RGS6: variants seen among roughly 807,000 people sequenced by gnomAD.
RGS6 encodes regulator of G-protein signaling 6.
RGS6 carries 30 observed loss-of-function variants against 78.5 expected under a neutral mutation model. The ratio of observed to expected loss-of-function variants is 0.38; its 90% CI spans 0.29 to 0.52. RGS6 has a LOEUF of 0.52. Ranked by LOEUF, RGS6 falls within the 20% of genes least tolerant of loss-of-function variation. The pLI is 0.85. For synonymous variants in RGS6, 206 were observed against 206.0 expected, an observed-to-expected ratio of 1.00 and a Z score of 0.00; for missense variants, 495 against 609.7, an observed-to-expected ratio of 0.81 and a Z score of 1.98.
At chr14:72,174,811 G>A (rs956866001) in intron 2 of RGS6, among the ~76,000 whole-genome samples, 1 of 152,222 alleles carries the variant, frequency 6.6e-6, no homozygotes, top group South Asian at 2.1e-4. Context: ...TGAGGTCGCA[G>A]TGATGTCAGG....
At chr14:71,937,386 C>A (rs2089650598) in intron 1 of RGS6, among the ~76,000 whole-genome samples, 1 of 152,126 alleles carries the variant, frequency 6.6e-6, no homozygotes, top group African/African-American at 2.4e-5. Flanking sequence ...GGTGCCACTT[C>A]CACTTCCGCC....
chr14:72,491,012 T>G (rs934073430), intron 12 of RGS6, among the ~76,000 whole-genome samples: 4 of 152,158 alleles, frequency 2.6e-5, no homozygotes, highest in Admixed American at 2.6e-4. Flanking sequence ...TGCAGCTGGT[T>G]TATGGATCAC....
chr14:72,008,757 A>G (rs956793596), intron 2 of RGS6, among the ~76,000 whole-genome samples: 13 of 152,136 alleles, frequency 8.5e-5, no homozygotes, highest in Non-Finnish European at 1.6e-4. Flanking sequence ...TCTAGTTCCA[A>G]TCAAGGCTTC....
intron 2 of RGS6, among the ~76,000 whole-genome samples, chr14:72,348,417 T>C (rs1241812106): frequency 6.6e-6 from 1 of 152,246 alleles, no homozygotes. Context: ...AGGGCAGTAT[T>C]GATCATGAAA....
At chr14:72,286,581 G>T (rs2152294334) in intron 2 of RGS6, among the ~76,000 whole-genome samples, 1 of 152,062 alleles carries the variant, frequency 6.6e-6, no homozygotes, top group African/African-American at 2.4e-5. Context: ...AAAGCATGGA[G>T]CCTGTAGATC....
the RGS6 span, among the ~76,000 whole-genome samples, chr14:71,878,219 G>A: frequency 1.3e-5 from 2 of 152,234 alleles, no homozygotes; most frequent in Non-Finnish European, 2.9e-5. Flanking sequence ...GTCAGACAGG[G>A]ACGTTTAAGT....
chr14:71,900,220 G>A, the RGS6 span, among the ~76,000 whole-genome samples: 1 of 152,174 alleles, frequency 6.6e-6, no homozygotes, highest in African/African-American at 2.4e-5. Flanking sequence ...GTACCTCACT[G>A]GCTGCTCTTC....
At chr14:72,382,943 G>T (rs879535017) in intron 3 of RGS6, among the ~76,000 whole-genome samples, 5 of 151,900 alleles carry the variant, frequency 3.3e-5, no homozygotes, top group African/African-American at 7.2e-5. Flanking sequence ...ACTAACTTTT[G>T]TGGGGAAAGT....
chr14:71,905,056 G>A, the RGS6 span, among the ~76,000 whole-genome samples: 3 of 152,100 alleles, frequency 2.0e-5, no homozygotes, highest in Non-Finnish European at 4.4e-5. Context: ...GTTCTGTTAT[G>A]CACGAAAATT....
At chr14:72,381,869 T>C (rs2086217200) in intron 3 of RGS6, among the ~76,000 whole-genome samples, 1 of 151,998 alleles carries the variant, frequency 6.6e-6, no homozygotes, top group Non-Finnish European at 1.5e-5. Context: ...AATAAGAGCA[T>C]GCAAATTGGG....
intron 2 of RGS6, among the ~76,000 whole-genome samples, chr14:72,164,588 A>G (rs1244826503): frequency 6.6e-6 from 1 of 152,224 alleles, no homozygotes; most frequent in African/African-American, 2.4e-5. Flanking sequence ...TAATGAGGAA[A>G]TGAAACCTTA....
At chr14:72,166,682 G>T (rs2153672495) in intron 2 of RGS6, among the ~76,000 whole-genome samples, 1 of 152,326 alleles carries the variant, frequency 6.6e-6, no homozygotes, top group East Asian at 1.9e-4. Flanking sequence ...TAATTGGAAG[G>T]AGTGGTTCCA....
chr14:72,020,345 CTG>C (rs2088134508), intron 2 of RGS6, among the ~76,000 whole-genome samples: 1 of 152,172 alleles, frequency 6.6e-6, no homozygotes, highest in African/African-American at 2.4e-5. Context: ...CCTTTCTTTT[CTG>C]TGTTCAGAAA....
At chr14:72,495,612 C>T (rs781558372) in intron 13 of RGS6, among the ~76,000 whole-genome samples, 1 of 152,138 alleles carries the variant, frequency 6.6e-6, no homozygotes, top group Non-Finnish European at 1.5e-5. Flanking sequence ...TCTGCATTGG[C>T]CACATCCTGC....
At chr14:72,272,644 T>G (rs758391925) in intron 2 of RGS6, among the ~76,000 whole-genome samples, 1 of 152,222 alleles carries the variant, frequency 6.6e-6, no homozygotes, top group Non-Finnish European at 1.5e-5. Context: ...TTTATTTCTC[T>G]CTTGGGCCCA....
intron 2 of RGS6, among the ~76,000 whole-genome samples, chr14:72,219,912 G>A (rs2046459243): frequency 6.6e-6 from 1 of 152,046 alleles, no homozygotes; most frequent in Non-Finnish European, 1.5e-5. Context: ...ACATTCCTCA[G>A]TTGTTCCAAA....
chr14:72,540,173 C>A, intron 17 of RGS6, 79 bp downstream of exon 17: 1 of 1,450,796 alleles, frequency 6.9e-7, no homozygotes. Flanking sequence ...TTTTTTTTTC[C>A]CTTTGGTTGT....
chr14:72,545,185 G>A (rs1044511916), intron 17 of RGS6, among the ~76,000 whole-genome samples: 6 of 152,258 alleles, frequency 3.9e-5, no homozygotes, highest in Admixed American at 6.5e-5. Flanking sequence ...ACAGTCCTTG[G>A]ACTCCTTTGG....
At chr14:72,398,843 T>G (rs936047864) in intron 3 of RGS6, among the ~76,000 whole-genome samples, 2 of 152,194 alleles carry the variant, frequency 1.3e-5, no homozygotes, top group Non-Finnish European at 2.9e-5. Flanking sequence ...TTGTTCAGTT[T>G]CCATGTAGTT....
Sources: gnomAD v4.1 joint callset for allele counts (sites outside exome capture counted in the v4.1 genomes callset) on GRCh38, gnomAD v4.1.1 for gene constraint, MANE v1.5 for transcripts, NCBI Gene and HGNC (gene_info 2026-07-23, HGNC 2026-07-21) for gene names.